GOLGB1: variants seen among roughly 807,000 people sequenced by gnomAD.
GOLGB1 encodes golgin B1.
GOLGB1 carries 174 observed loss-of-function variants against 336.9 expected under a neutral mutation model. The ratio of observed to expected loss-of-function variants is 0.52; its 90% CI spans 0.46 to 0.59. The LOEUF (loss-of-function observed/expected upper bound fraction) is 0.59. GOLGB1 is among the 20% of genes least tolerant of loss of function. The pLI is 0.00. For missense variants in GOLGB1, 3,331 were observed against 3,645.3 expected, an observed-to-expected ratio of 0.91 and a Z score of 2.22; for synonymous variants, 1,208 against 1,289.2, an observed-to-expected ratio of 0.94 and a Z score of 1.35.
intron 17 of GOLGB1, among the ~76,000 whole-genome samples, chr3:121,670,755 TGG>T (rs398038351): frequency 1.6e-4 from 13 of 79,134 alleles, no homozygotes; most frequent in African/African-American, 6.0e-4. Flanking sequence ...GGTTTTCTTT[TGG>T]GGGGGGGGGT....
intron 4 of GOLGB1, among the ~76,000 whole-genome samples, chr3:121,727,305 T>C (rs1210063040): frequency 3.9e-4 from 12 of 30,538 alleles, no homozygotes; most frequent in East Asian, 2.7e-3. Context: ...TATATATATA[T>C]ATATATATAT....
At chr3:121,722,240 C>A (rs1428362884) in intron 6 of GOLGB1, 22 bp downstream of exon 6, 2 of 1,343,588 alleles carry the variant, frequency 1.5e-6, no homozygotes. Context: ...AGCTCTTTAT[C>A]CTAATTTTGT....
intron 1 of GOLGB1, among the ~76,000 whole-genome samples, chr3:121,743,872 T>C (rs1288632019): frequency 6.6e-6 from 1 of 152,180 alleles, no homozygotes; most frequent in Admixed American, 6.5e-5. Flanking sequence ...AACATTCTAA[T>C]AAATTTTAAT....
Position 121,691,981 on chromosome 3 carries a change from C to G in GOLGB1, c.7383G>C (p.Lys2461Asn), listed in dbSNP as rs1221852200. The G allele has an allele frequency of 6.2e-7, 1 of 1,614,016 alleles. No individual in the cohort carries two copies. The highest frequency in any genetic ancestry group is 2.2e-5 in the East Asian group (1 of 44,882). Residue 2461 changes from lysine (K) to asparagine (N), a missense_variant, in exon 14 of 22, where the codon AAG becomes AAC. By Grantham distance (94) the Lys-to-Asn change is moderately conservative. Coordinates refer to ENST00000614479, the MANE Select transcript of GOLGB1 (RefSeq NM_001366282.2). ...ATTTAACAAAGGAATCCAACTGTGC[C>G]TTTTGCTGAATGTTTTCCTTTTTGA... is the stretch of plus-strand genomic sequence containing the variant. ...KTIKKENIQQ[K>N]AQLDSFVKSM...
chr3:121,686,954 G>A (rs915253721), intron 14 of GOLGB1, among the ~76,000 whole-genome samples: 1 of 152,172 alleles, frequency 6.6e-6, no homozygotes, highest in Admixed American at 6.5e-5. Flanking sequence ...AGCAGTAAAA[G>A]GGAACGCTGG....
intron 12 of GOLGB1, 42 bp downstream of exon 12, chr3:121,699,770 A>G (rs375963520): frequency 8.4e-7 from 1 of 1,184,566 alleles, no homozygotes; most frequent in Admixed American, 2.0e-5. Context: ...CCTTCTCTTA[A>G]TCTAGCTCAT....
intron 15 of GOLGB1, among the ~76,000 whole-genome samples, chr3:121,679,578 C>A (rs12631824): frequency 0.71 from 107,807 of 152,002 alleles, 38,868 homozygotes; most frequent in East Asian, 0.85. Flanking sequence ...ATTAATGATA[C>A]TAACCACCAT....
chr3:121,709,698 T>A (rs1944182070), intron 10 of GOLGB1, among the ~76,000 whole-genome samples: 1 of 152,124 alleles, frequency 6.6e-6, no homozygotes, highest in African/African-American at 2.4e-5. Flanking sequence ...TAACTTTAAA[T>A]GTTCATATGA....
intron 17 of GOLGB1, among the ~76,000 whole-genome samples, chr3:121,674,537 A>C (rs1161086079): frequency 5.3e-5 from 8 of 152,380 alleles, no homozygotes; most frequent in Non-Finnish European, 7.3e-5. Context: ...GTGAATGCAG[A>C]AATTACCAAT....
At position 121,695,035 on chromosome 3, in the gene GOLGB1, C is replaced by T. The variant is rs1942808308; in HGVS notation, c.5488G>A (p.Val1830Ile). ...TCATGTGAGCTGAAATCCTTACTTA[C>T]AGCAGGGTTGGCACTCTTCGCTGAT... ...VPSAKSANPAVSKDFSSHDEI... is the reference protein window; with the variant it reads ...VPSAKSANPAISKDFSSHDEI... Residue 1830 changes from valine to isoleucine, a missense_variant, in exon 13 of 22, where the codon GTA becomes ATA. By Grantham distance (29) the Val-to-Ile change is conservative (BLOSUM62 3). Coordinates refer to ENST00000614479, the MANE Select transcript of GOLGB1 (RefSeq NM_001366282.2). The T allele has an allele frequency of 6.2e-7, 1 of 1,613,992 alleles. No homozygotes were observed. Among genetic ancestry groups the T allele is most frequent in the Non-Finnish European group, 8.5e-7 (1 of 1,179,972 alleles).
intron 17 of GOLGB1, among the ~76,000 whole-genome samples, chr3:121,670,711 G>A (rs1220056108): frequency 2.3e-5 from 3 of 133,236 alleles, no homozygotes; most frequent in Non-Finnish European, 4.7e-5. Context: ...TGTCCAGTCT[G>A]ATAGTCTAGC....
At chr3:121,672,831 T>C (rs1939730727) in intron 17 of GOLGB1, among the ~76,000 whole-genome samples, 1 of 152,242 alleles carries the variant, frequency 6.6e-6, no homozygotes, top group African/African-American at 2.4e-5. Flanking sequence ...AGTCTAGTTT[T>C]ATTTTTCTGC....
At position 121,736,339 on chromosome 3, in the gene GOLGB1, A is replaced by T. The variant is rs1324492800; in HGVS notation, c.-2-5366T>A. ...GACTTGGCAACCACCACCTCAACCA[A>T]GTGATCAAGATTAACATCACCAGTG... On this transcript the variant is annotated intron_variant, in intron 1 of 21. Coordinates refer to ENST00000614479, the MANE Select transcript of GOLGB1 (RefSeq NM_001366282.2). Among the ~76,000 whole-genome samples the T allele has an allele frequency of 2.0e-5, 3 of 152,186 alleles. No homozygotes were observed. In the East Asian group the frequency reaches 5.8e-4, roughly 29 times the overall value.
chr3:121,702,111 C>T (rs1037788287), intron 11 of GOLGB1, among the ~76,000 whole-genome samples: 1 of 152,050 alleles, frequency 6.6e-6, no homozygotes, highest in African/African-American at 2.4e-5. Flanking sequence ...TCTCTGTTAC[C>T]TCATCCCACA....
chr3:121,720,536 A>C (rs2108170057), intron 6 of GOLGB1, among the ~76,000 whole-genome samples: 1 of 152,280 alleles, frequency 6.6e-6, no homozygotes, highest in African/African-American at 2.4e-5. Context: ...TAGCTTGCCT[A>C]TTTTGCATTG....
chr3:121,694,565 C>G lies in GOLGB1; in HGVS notation c.5958G>C (p.Lys1986Asn). ...EKQQLVKEKTKVESEIRKEYL... is the reference protein window; with the variant it reads ...EKQQLVKEKTNVESEIRKEYL... ...ATTCCTTTCGTATTTCTGATTCCAC[C>G]TTAGTTTTTTCCTTGACTAACTGCT... Residue 1986 changes from lysine to asparagine, a missense_variant, in exon 13 of 22, where the codon AAG becomes AAC. Physicochemically the swap from Lys to Asn is moderately conservative, Grantham distance 94 (BLOSUM62 0). Transcript: ENST00000614479. The G allele has an allele frequency of 6.2e-7, 1 of 1,612,498 alleles. No homozygotes were observed. Among genetic ancestry groups the G allele is most frequent in the Non-Finnish European group, 8.5e-7 (1 of 1,179,898 alleles).
chr3:121,718,478 C>A lies in GOLGB1; in HGVS notation c.795G>T (p.Lys265Asn). ...CCAAGGATTCTTCGTGTTCCTCAAG[C>A]TTCCTTTGCAGCACCCTCAATTTCT... ...MQQKLRVLQR[K>N]LEEHEESLVG... The change falls in exon 8 of 22, where the codon AAG (lysine) becomes AAT (asparagine). Residue 265 changes from lysine (K) to asparagine (N), a missense_variant. Coordinates refer to ENST00000614479, the MANE Select transcript of GOLGB1 (RefSeq NM_001366282.2). The A allele has an allele frequency of 1.2e-6, 2 of 1,613,560 alleles. No homozygotes were observed. Among genetic ancestry groups the A allele is most frequent in the African/African-American group, 2.7e-5 (2 of 75,038 alleles).
At chr3:121,664,726 T>C in intron 21 of GOLGB1, 112 bp from the exon 22 acceptor site, 3 of 1,056,934 alleles carry the variant, frequency 2.8e-6, no homozygotes, top group Non-Finnish European at 4.3e-6. Context: ...TAGAAAGGGG[T>C]ATTCTGAGAG....
chr3:121,730,981 A>G lies in GOLGB1; in HGVS notation c.-2-8T>C, dbSNP rs1167276365. ...ATAATCGGCTCAGCATTTCTGTAGG[A>G]AAAGAAGGGGGGAAAAAACCTAAGA... is the stretch of plus-strand genomic sequence containing the variant. On this transcript the variant is annotated splice_polypyrimidine_tract_variant and splice_region_variant and intron_variant, in intron 1 of 21. Coordinates refer to ENST00000614479, the MANE Select transcript of GOLGB1 (RefSeq NM_001366282.2). 1 of 1,608,656 alleles carries G rather than the reference A, an allele frequency of 6.2e-7. No homozygotes were observed.
Sources: allele counts gnomAD v4.1 joint callset (sites outside exome capture counted in the v4.1 genomes callset), GRCh38; gene constraint gnomAD v4.1.1; transcripts MANE v1.5; gene names NCBI Gene and HGNC (gene_info 2026-07-23, HGNC 2026-07-21).